SEC16B: variants seen among roughly 807,000 people sequenced by gnomAD.
SEC16B encodes the protein protein transport protein Sec16B.
A neutral mutation model predicts 141.8 loss-of-function variants in SEC16B; 115 were observed. That is an observed-to-expected ratio of 0.81 (90% confidence interval 0.70 to 0.95). SEC16B has a LOEUF of 0.95. Ranked by LOEUF, SEC16B falls within the 40% of genes least tolerant of loss-of-function variation. SEC16B has a pLI of 0.00. For missense variants in SEC16B, 1,291 were observed against 1,312.3 expected (o/e 0.98, Z 0.25); for synonymous variants, 493 against 492.5 (o/e 1.00, Z -0.01).
At chr1:177,947,423 A>C (rs563652294) in intron 13 of SEC16B, among the ~76,000 whole-genome samples, 34 of 152,198 alleles carry the variant, frequency 2.2e-4, no homozygotes, top group Admixed American at 1.2e-3. Context: ...CGTTAACTCC[A>C]TCCACAGGGG....
At chr1:177,951,123 A>T (rs1284323251) in intron 12 of SEC16B, among the ~76,000 whole-genome samples, 1 of 152,234 alleles carries the variant, frequency 6.6e-6, no homozygotes. Context: ...TCATACGTGT[A>T]TATATATGAA....
At chr1:177,968,676 A>T (rs1653743078) in intron 1 of SEC16B, among the ~76,000 whole-genome samples, 1 of 152,218 alleles carries the variant, frequency 6.6e-6, no homozygotes. Flanking sequence ...GAAGATGTTT[A>T]TTAAACAAAA....
rs142477820 is a variant in SEC16B, at chr1:177,963,318, T to G, written c.642+853A>C. ...CAAGACTTTCAAAATTACAACCCCA[T>G]CTCTGGCCGAGCGTGGTGGCTCAGG... is the stretch of plus-strand genomic sequence containing the variant. On this transcript the variant is annotated intron_variant, in intron 5 of 25. Coordinates refer to ENST00000308284, the MANE Select transcript of SEC16B (RefSeq NM_033127.4). Among the ~76,000 whole-genome samples, 1,064 of 151,410 alleles carry G rather than the reference T, an allele frequency of 7.0e-3. 19 individuals carry two copies. Among genetic ancestry groups the G allele is most frequent in the African/African-American group, 0.024 (996 of 41,346 alleles).
chr1:177,932,094 A>G (rs558020831), intron 24 of SEC16B, among the ~76,000 whole-genome samples: 145 of 152,360 alleles, frequency 9.5e-4, no homozygotes, highest in African/African-American at 3.4e-3. Flanking sequence ...TAAAGAGGCA[A>G]TTAACATAAA....
At chr1:177,982,663 T>G (rs1314473172) in intron 1 of SEC16B, among the ~76,000 whole-genome samples, 1 of 152,226 alleles carries the variant, frequency 6.6e-6, no homozygotes. Context: ...CTGCACTGCA[T>G]GGCCACCAAT....
At chr1:177,944,466 G>GC in intron 15 of SEC16B, 95 bp downstream of exon 15, 1 of 895,046 alleles carries the variant, frequency 1.1e-6, no homozygotes, top group South Asian at 1.5e-5. Context: ...AGATAACTTA[G>GC]CCCCAGGTAC....
At chr1:177,946,700 C>T (rs1488502549) in intron 13 of SEC16B, among the ~76,000 whole-genome samples, 169 bp from the exon 14 acceptor site, 1 of 152,204 alleles carries the variant, frequency 6.6e-6, no homozygotes, top group Non-Finnish European at 1.5e-5. Flanking sequence ...GACCCCTAAA[C>T]CCCACTCCTC....
intron 10 of SEC16B, 27 bp downstream of exon 10, chr1:177,958,105 A>G: frequency 7.0e-7 from 1 of 1,431,674 alleles, no homozygotes; most frequent in Non-Finnish European, 9.2e-7. Flanking sequence ...CTTTTTCAAA[A>G]TAAGTATGGG....
chr1:177,965,060 C>A lies in SEC16B; in HGVS notation c.520G>T (p.Glu174Ter), dbSNP rs1653402890. ...NQHSPFGTNS[E>*]THFQSNSRNP... ...TTTCACACTTACTGGAAGTGGGTCTCACTATTTGTTCCAAATGGACTGTGC... is the reference window on the plus strand; with the variant it reads ...TTTCACACTTACTGGAAGTGGGTCTAACTATTTGTTCCAAATGGACTGTGC... Residue 174 changes from glutamate to a stop codon, truncating the protein, a stop_gained, in exon 4 of 26, where the codon GAG becomes TAG. Transcript: ENST00000308284. LOFTEE classifies it high-confidence loss of function. 6.2e-7 allele frequency: 1 copy of A among 1,613,442 alleles called. No homozygotes were observed.
chr1:177,955,324 A>G (rs1652515317), intron 10 of SEC16B, among the ~76,000 whole-genome samples: 1 of 151,614 alleles, frequency 6.6e-6, no homozygotes, highest in South Asian at 2.1e-4. Context: ...GCAAGACCCC[A>G]TATCTACAAA....
intron 9 of SEC16B, 45 bp downstream of exon 9, chr1:177,958,795 T>A: frequency 6.3e-7 from 1 of 1,581,142 alleles, no homozygotes; most frequent in African/African-American, 1.4e-5. Flanking sequence ...CCATGAAGAC[T>A]TAAATTTCAG....
chr1:177,960,342 C>G lies in SEC16B; in HGVS notation c.998G>C (p.Arg333Thr). The G allele has an allele frequency of 6.3e-7, 1 of 1,594,648 alleles. No individual in the cohort carries two copies. The highest frequency in any genetic ancestry group is 8.6e-7 in the Non-Finnish European group (1 of 1,164,654). ...EMRSFSGPLI[R>T]EDVHKVDIMT... ...CTCAGCAGCTCTTACAGCACTATACCTAATCAAGGGTCCTGAGAAACTTCT... is the reference window on the plus strand; with the variant it reads ...CTCAGCAGCTCTTACAGCACTATACGTAATCAAGGGTCCTGAGAAACTTCT... The change falls in exon 8 of 26, where the codon AGG becomes ACG. Residue 333 changes from arginine to threonine, a missense_variant and splice_region_variant. Transcript: ENST00000308284.
intron 14 of SEC16B, 97 bp downstream of exon 14, chr1:177,946,323 C>T: frequency 1.1e-6 from 1 of 915,182 alleles, no homozygotes; most frequent in Non-Finnish European, 1.8e-6. Context: ...CTGAAATTCA[C>T]ATGAGAAAAT....
At chr1:177,949,224 G>A (rs1651973294) in intron 12 of SEC16B, among the ~76,000 whole-genome samples, 1 of 152,122 alleles carries the variant, frequency 6.6e-6, no homozygotes, top group South Asian at 2.1e-4. Flanking sequence ...CAGTTCTCAT[G>A]TGTCACATCG....
intron 16 of SEC16B, among the ~76,000 whole-genome samples, chr1:177,940,922 C>G (rs889868082): frequency 1.2e-4 from 19 of 152,150 alleles, no homozygotes; most frequent in Non-Finnish European, 2.6e-4. Context: ...AAATAAACAA[C>G]CCGTCTTGGG....
intron 24 of SEC16B, among the ~76,000 whole-genome samples, chr1:177,932,130 C>T (rs773305840): frequency 1.3e-5 from 2 of 152,166 alleles, no homozygotes; most frequent in Non-Finnish European, 2.9e-5. Context: ...TAGCCCATTC[C>T]AGTATGACTG....
rs746902712 is a variant in SEC16B at position 177,961,608 on chromosome 1, A to C, written c.769T>G (p.Trp257Gly). Residue 257 changes from tryptophan to glycine, a missense_variant, in exon 6 of 26, where the codon TGG (tryptophan) becomes GGG (glycine). This residue lies in a region of SEC16B where 681 missense variants were observed against 675.5 expected (regional missense o/e 1.01). Coordinates refer to ENST00000308284, the MANE Select transcript of SEC16B (RefSeq NM_033127.4). The stretch of plus-strand genomic sequence containing the variant: ...AACCCACCAGCCTGAACTGGACTCC[A>C]AGCTGCTGAAGCTGGGGGATCATCC... Reference protein sequence around the residue: ...ERDDPPASAAWSPVQADVSSA... With the variant: ...ERDDPPASAAGSPVQADVSSA... 7 of 1,613,226 alleles carry C rather than the reference A, an allele frequency of 4.3e-6. No homozygotes were observed. Among genetic ancestry groups the C allele is most frequent in the African/African-American group, 1.3e-5 (1 of 74,982 alleles).
chr1:177,970,717 C>G (rs1291013463), upstream of SEC16B, among the ~76,000 whole-genome samples: 1 of 152,196 alleles, frequency 6.6e-6, no homozygotes, highest in African/African-American at 2.4e-5. Context: ...AAAGTAGTTT[C>G]TCGCACTTGA....
chr1:177,968,476 C>G (rs1653728259), intron 1 of SEC16B, among the ~76,000 whole-genome samples: 1 of 152,296 alleles, frequency 6.6e-6, no homozygotes, highest in East Asian at 1.9e-4. Context: ...TGCCACTTAA[C>G]TAGCTAGTTC....
Sources: gnomAD v4.1 joint callset for allele counts (sites outside exome capture counted in the v4.1 genomes callset) on GRCh38, gnomAD v4.1.1 for gene constraint, gnomAD v4.1.1 regional missense constraint, MANE v1.5 for transcripts, NCBI Gene and HGNC (gene_info 2026-07-23, HGNC 2026-07-21) for gene names.